The following FAM178B variants were observed in gnomAD, a reference collection of about 807,000 sequenced individuals.
FAM178B encodes protein FAM178B.
Under a neutral mutation model 91.7 loss-of-function variants are expected in FAM178B, and 82 were observed. That is an observed-to-expected ratio of 0.89 (90% CI 0.75 to 1.07). FAM178B has a LOEUF of 1.07. FAM178B is among the 50% of genes least tolerant of loss of function. The probability of loss-of-function intolerance (pLI) is 0.00; values close to 1 mark genes in which losing one functional copy is unlikely to be tolerated. For synonymous variants in FAM178B, 368 were observed against 359.4 expected, an observed-to-expected ratio of 1.02 and a Z score of -0.27; for missense variants, 769 against 846.7, an observed-to-expected ratio of 0.91 and a Z score of 1.14.
chr2:96,921,120 G>T, intron 12 of FAM178B, 45 bp downstream of exon 12: 1 of 1,485,428 alleles, frequency 6.7e-7, no homozygotes, highest in Middle Eastern at 1.8e-4. Flanking sequence ...AGACCCCGAA[G>T]AGATGCGTGT....
At chr2:96,905,966 G>A (rs1177363602) in intron 12 of FAM178B, among the ~76,000 whole-genome samples, 13 of 142,558 alleles carry the variant, frequency 9.1e-5, no homozygotes, top group Admixed American at 2.2e-4. Context: ...CTGCCTCCTC[G>A]GTTCAAGCGA....
At chr2:96,938,088 C>T (rs1178014353) in intron 8 of FAM178B, among the ~76,000 whole-genome samples, 4 of 152,062 alleles carry the variant, frequency 2.6e-5, no homozygotes, top group Non-Finnish European at 1.5e-5. Context: ...TATTTTGCAC[C>T]TCATTTTAAA....
chr2:96,900,375 C>T lies in FAM178B; in HGVS notation c.1650+2245G>A, dbSNP rs557900171. Among the ~76,000 whole-genome samples the T allele has an allele frequency of 5.3e-5, 8 of 152,160 alleles. 1 individual carries two copies. The East Asian group carries it at 5.9e-4, about 11-fold the overall frequency. On this transcript the variant is annotated intron_variant, in intron 13 of 16. Transcript: ENST00000490605. Reference sequence around the variant, plus strand: ...TGGGGCACGTTCTCCCCATGCACCCCGACGACCCACCTGGGTGCCTGTCCC... The same window carrying T: ...TGGGGCACGTTCTCCCCATGCACCCTGACGACCCACCTGGGTGCCTGTCCC...
intron 5 of FAM178B, among the ~76,000 whole-genome samples, chr2:96,963,250 A>T (rs1383798325): frequency 6.6e-6 from 1 of 152,228 alleles, no homozygotes; most frequent in Non-Finnish European, 1.5e-5. Context: ...AGAGATTTTT[A>T]AAAAGGTTTT....
chr2:96,905,300 G>A (rs1385889263), intron 12 of FAM178B, among the ~76,000 whole-genome samples: 1 of 152,104 alleles, frequency 6.6e-6, no homozygotes, highest in Non-Finnish European at 1.5e-5. Flanking sequence ...GCTCACGCCT[G>A]TAATCCCAAC....
At chr2:96,877,766 C>T (rs2080281326) in intron 16 of FAM178B, 124 bp downstream of exon 16, 1 of 982,538 alleles carries the variant, frequency 1.0e-6, no homozygotes, top group Non-Finnish European at 1.5e-6. Flanking sequence ...CACATGCCCA[C>T]TCCACCCATA....
chr2:96,922,221 G>A (rs1475752053), intron 10 of FAM178B, among the ~76,000 whole-genome samples: 1 of 152,182 alleles, frequency 6.6e-6, no homozygotes, highest in Non-Finnish European at 1.5e-5. Context: ...CTCAGTTCTG[G>A]GAATTGCCCA....
chr2:96,971,893 A>G lies in FAM178B; in HGVS notation c.564+8T>C. Reference sequence around the variant, plus strand: ...AGGAGAAGAGGCCAAGGGTGGACACAGGCTCACCTCTGGGGCCGCAGCCTG... The same window carrying G: ...AGGAGAAGAGGCCAAGGGTGGACACGGGCTCACCTCTGGGGCCGCAGCCTG... On this transcript the variant is annotated splice_region_variant and intron_variant, in intron 3 of 16. Coordinates refer to ENST00000490605, the MANE Select transcript of FAM178B (RefSeq NM_001122646.3). The G allele has an allele frequency of 6.8e-7, 1 of 1,476,078 alleles. No individual in the cohort carries two copies. The highest frequency in any genetic ancestry group is 9.0e-7 in the Non-Finnish European group (1 of 1,112,378). The allele number at this position is 1,476,078 out of a possible 1,614,324, so 91.4% of individuals were successfully genotyped here.
intron 13 of FAM178B, among the ~76,000 whole-genome samples, chr2:96,901,989 G>A (rs1006326115): frequency 6.6e-6 from 1 of 152,118 alleles, no homozygotes; most frequent in African/African-American, 2.4e-5. Flanking sequence ...GTAGAGACAA[G>A]GGTTTCACCA....
chr2:96,960,312 C>T lies in FAM178B; in HGVS notation c.863G>A (p.Ser288Asn), dbSNP rs1277635456. 1 of 1,551,666 alleles carries T rather than the reference C, an allele frequency of 6.4e-7. No individual in the cohort carries two copies. The highest frequency in any genetic ancestry group is 1.4e-5 in the African/African-American group (1 of 73,060). ...ILDSSLLKPR[S>N]HLEGLFLSSP... ...CCTGAGGAACAGCCCTTCCAGGTGG[C>T]TGCGTGGCTTCAGGAGTGAGGAGTC... The change falls in exon 6 of 17, where the codon AGC (serine) becomes AAC (asparagine). Residue 288 changes from serine (S) to asparagine (N), a missense_variant. Transcript: ENST00000490605.
At chr2:96,934,248 G>C (rs574321512) in intron 8 of FAM178B, among the ~76,000 whole-genome samples, 75 of 152,314 alleles carry the variant, frequency 4.9e-4, no homozygotes, top group African/African-American at 1.6e-3. Flanking sequence ...GGTGGTCAGG[G>C]GACGCTGGAG....
At chr2:96,911,514 C>T (rs1464942834) in intron 12 of FAM178B, among the ~76,000 whole-genome samples, 1 of 152,186 alleles carries the variant, frequency 6.6e-6, no homozygotes, top group Non-Finnish European at 1.5e-5. Flanking sequence ...TGCCCTCCAA[C>T]CCCAGGCTGC....
In FAM178B at chr2:96,876,016, A is replaced by G; in HGVS notation, c.*260T>C. 1 of 534,388 alleles carries G rather than the reference A, an allele frequency of 1.9e-6. No homozygotes were observed. Among genetic ancestry groups the G allele is most frequent in the Non-Finnish European group, 3.4e-6 (1 of 298,070 alleles). 33.1% of individuals were successfully genotyped at this position (534,388 alleles called of 1,614,324 possible). A position where few individuals can be genotyped will look rare whatever the true frequency, so the allele number is the denominator to read the frequency against. On this transcript the variant is annotated 3_prime_UTR_variant, in exon 17 of 17. Transcript: ENST00000490605. Reference sequence around the variant, plus strand: ...AGACAGAGGCCTTAGGGAAGAGGAGATGGCTGGGAGGAGGGCTGAGGGGTG... The same window carrying G: ...AGACAGAGGCCTTAGGGAAGAGGAGGTGGCTGGGAGGAGGGCTGAGGGGTG...
chr2:96,939,902 C>T (rs1045368551), intron 8 of FAM178B, among the ~76,000 whole-genome samples: 6 of 152,266 alleles, frequency 3.9e-5, no homozygotes, highest in African/African-American at 1.4e-4. Flanking sequence ...CTATTATTTT[C>T]AATTAAACTG....
intron 14 of FAM178B, among the ~76,000 whole-genome samples, chr2:96,884,705 C>T (rs957296899): frequency 3.3e-5 from 5 of 152,230 alleles, no homozygotes; most frequent in African/African-American, 1.2e-4. Flanking sequence ...CCATGTCTTC[C>T]CTGCCCCATG....
rs188907034 is a variant in FAM178B, at chr2:96,962,893, C to A, written c.735-2453G>T. 3.9e-3 allele frequency among the ~76,000 whole-genome samples: 599 copies of A among 152,272 alleles called. 5 individuals are homozygous for A. The highest frequency in any genetic ancestry group is 0.014 in the Middle Eastern group (4 of 294). ...CCTAAGCATCCCTTCCTGACCTGCA[C>A]CCCCTTCCCTGGCCCTATTCAGGGA... On this transcript the variant is annotated intron_variant, in intron 5 of 16. Coordinates refer to ENST00000490605, the MANE Select transcript of FAM178B (RefSeq NM_001122646.3).
chr2:96,962,496 A>G (rs2082095542), intron 5 of FAM178B, among the ~76,000 whole-genome samples: 1 of 151,876 alleles, frequency 6.6e-6, no homozygotes, highest in Admixed American at 6.6e-5. Context: ...CTAATCTACA[A>G]AGGGGTCCTG....
intron 14 of FAM178B, among the ~76,000 whole-genome samples, chr2:96,879,228 C>T (rs902502707): frequency 6.6e-6 from 1 of 152,242 alleles, no homozygotes; most frequent in African/African-American, 2.4e-5. Flanking sequence ...AGGTGCGCCC[C>T]TCCACTCAGA....
chr2:96,921,326 C>A, intron 11 of FAM178B, 64 bp from the exon 12 acceptor site: 2 of 1,520,070 alleles, frequency 1.3e-6, no homozygotes, highest in South Asian at 2.4e-5. Flanking sequence ...TCTCGCCACC[C>A]AGCCCGCACA....
Sources: gnomAD v4.1 joint callset for allele counts (sites outside exome capture counted in the v4.1 genomes callset) on GRCh38, gnomAD v4.1.1 for gene constraint, MANE v1.5 for transcripts, NCBI Gene and HGNC (gene_info 2026-07-23, HGNC 2026-07-21) for gene names.